Variants in CROT observed in about 807,000 individuals in gnomAD.
CROT encodes the protein peroxisomal carnitine O-octanoyltransferase.
CROT carries 84 observed loss-of-function variants against 89.2 expected under a neutral mutation model. The ratio of observed to expected loss-of-function variants is 0.94; its 90% CI spans 0.79 to 1.13. The LOEUF is 1.13. CROT is among the 50% of genes most tolerant of loss of function. The pLI is 0.00. For synonymous variants in CROT, 212 were observed against 239.5 expected, an observed-to-expected ratio of 0.89 and a Z score of 1.06; for missense variants, 711 against 727.8, an observed-to-expected ratio of 0.98 and a Z score of 0.27.
In CROT at chr7:87,367,895, C is replaced by T. The variant is rs116185599; in HGVS notation, c.548-1481C>T. 7.6e-3 allele frequency among the ~76,000 whole-genome samples: 1,165 copies of T among 152,326 alleles called. 16 individuals are homozygous for T. Among genetic ancestry groups the T allele is most frequent in the African/African-American group, 0.025 (1,042 of 41,576 alleles). ...CTGGACAACTTTAGTCACCTCCTAA[C>T]TTGGCATACCTTCTCTTCACCCTTG... On this transcript the variant is annotated intron_variant, in intron 6 of 17. Transcript: ENST00000331536.
rs111435207 is a variant in CROT, at chr7:87,351,326, A to G, written c.115+2143A>G. Among the ~76,000 whole-genome samples, 129 of 151,606 alleles carry G rather than the reference A, an allele frequency of 8.5e-4. 2 individuals carry two copies. Among genetic ancestry groups the G allele is most frequent in the African/African-American group, 2.0e-3 (83 of 41,366 alleles). ...TCCATCTCAAAAAAAAAAAAAAAAA[A>G]AAAAAAGAAAAGGAAAGGAAAGCAT... On this transcript the variant is annotated intron_variant, in intron 3 of 17. Transcript: ENST00000331536.
chr7:87,368,090 C>T (rs1806504218), intron 6 of CROT, among the ~76,000 whole-genome samples: 1 of 152,180 alleles, frequency 6.6e-6, no homozygotes, highest in Non-Finnish European at 1.5e-5. Flanking sequence ...TTTCTCTGTG[C>T]CGCAGCTGCA....
chr7:87,378,782 A>C (rs1806890820), intron 10 of CROT, among the ~76,000 whole-genome samples: 1 of 152,166 alleles, frequency 6.6e-6, no homozygotes, highest in Non-Finnish European at 1.5e-5. Context: ...CAACCTTGGA[A>C]TCTAGTGGGT....
intron 6 of CROT, among the ~76,000 whole-genome samples, chr7:87,363,112 G>A (rs1009707860): frequency 6.6e-6 from 1 of 152,130 alleles, no homozygotes; most frequent in Non-Finnish European, 1.5e-5. Context: ...CAATAGACCT[G>A]CTTTTGAATT....
At chr7:87,359,978 G>A in intron 4 of CROT, 1 of 982,218 alleles carries the variant, frequency 1.0e-6, no homozygotes, top group African/African-American at 1.7e-5. Context: ...TTTAGTTTTA[G>A]AAATAAAAAG....
At chr7:87,382,725 T>C (rs1452548672) in intron 13 of CROT, among the ~76,000 whole-genome samples, 182 bp downstream of exon 13, 1 of 152,216 alleles carries the variant, frequency 6.6e-6, no homozygotes, top group Non-Finnish European at 1.5e-5. Flanking sequence ...TTCACAGTTT[T>C]TCCTTGTTAC....
intron 3 of CROT, among the ~76,000 whole-genome samples, chr7:87,352,488 G>A (rs758489596): frequency 6.0e-4 from 91 of 152,220 alleles, no homozygotes; most frequent in Middle Eastern, 3.4e-3. Context: ...CAAATGGGAC[G>A]GTTATAAAAT....
intron 3 of CROT, among the ~76,000 whole-genome samples, chr7:87,358,374 C>T (rs1806159781): frequency 1.3e-5 from 2 of 149,094 alleles, no homozygotes; most frequent in South Asian, 2.1e-4. Flanking sequence ...CCCAGCTACT[C>T]GGGAGGCTGA....
rs183653002 is a variant in CROT, at chr7:87,383,367, T to C, written c.1301+824T>C. On this transcript the variant is annotated intron_variant, in intron 13 of 17. Transcript: ENST00000331536. ...TATAGGTGAGAACCTGCAGTATTTGTCTTTCTATTTCTGGATTATTTCACT... is the reference window on the plus strand; with the variant it reads ...TATAGGTGAGAACCTGCAGTATTTGCCTTTCTATTTCTGGATTATTTCACT... Among the ~76,000 whole-genome samples, 187 of 152,306 alleles carry C rather than the reference T, an allele frequency of 1.2e-3. 1 individual carries two copies. The highest frequency in any genetic ancestry group is 0.011 in the East Asian group (56 of 5,192).
intron 13 of CROT, among the ~76,000 whole-genome samples, chr7:87,386,565 A>G (rs1807189462): frequency 6.6e-6 from 1 of 152,098 alleles, no homozygotes. Flanking sequence ...TATTCTACCT[A>G]CAGATTTGTC....
intron 3 of CROT, 100 bp from the exon 4 acceptor site, chr7:87,359,106 T>G (rs1268686158): frequency 2.4e-6 from 2 of 826,414 alleles, no homozygotes; most frequent in Non-Finnish European, 4.1e-6. Context: ...AGTACTGTGT[T>G]TTACATATCT....
intron 13 of CROT, among the ~76,000 whole-genome samples, chr7:87,390,425 TG>T (rs1374514928): frequency 6.6e-6 from 1 of 152,216 alleles, no homozygotes; most frequent in Non-Finnish European, 1.5e-5. Context: ...ATTTTTAATT[TG>T]TTTTCCTGAA....
At chr7:87,382,049 A>AT (rs763729347) in intron 11 of CROT, 25 bp from the exon 12 acceptor site, 2 of 1,581,730 alleles carry the variant, frequency 1.3e-6, no homozygotes, top group Non-Finnish European at 1.7e-6. Context: ...TAGATAAAAT[A>AT]TTTTTAAGTC....
chr7:87,377,680 A>G (rs1806854194), intron 10 of CROT, among the ~76,000 whole-genome samples: 1 of 152,206 alleles, frequency 6.6e-6, no homozygotes, highest in Admixed American at 6.5e-5. Context: ...TGGGATTTGC[A>G]TATAATATTT....
chr7:87,368,259 G>T (rs1328651714), intron 6 of CROT, among the ~76,000 whole-genome samples: 1 of 152,154 alleles, frequency 6.6e-6, no homozygotes, highest in Non-Finnish European at 1.5e-5. Flanking sequence ...TTATTGTGAG[G>T]TAGCACCCTT....
chr7:87,398,940 G>T lies in CROT; in HGVS notation c.*296G>T, dbSNP rs776985215. 7.8e-5 allele frequency: 22 copies of T among 282,510 alleles called. No individual in the cohort carries two copies. The highest frequency in any genetic ancestry group is 1.4e-4 in the Non-Finnish European group (21 of 151,544). The allele number at this position is 282,510 out of a possible 1,614,324, so 17.5% of individuals were successfully genotyped here. A position where few individuals can be genotyped will look rare whatever the true frequency, so the allele number is the denominator to read the frequency against. The stretch of plus-strand genomic sequence containing the variant: ...ATCCAAATCTACAAACTTTAACAAT[G>T]CAAGTCTTACTCTAATTTTTAAGTA... On this transcript the variant is annotated 3_prime_UTR_variant, in exon 18 of 18. Coordinates refer to ENST00000331536, the MANE Select transcript of CROT (RefSeq NM_021151.4).
At chr7:87,354,944 C>G (rs774251269) in intron 3 of CROT, among the ~76,000 whole-genome samples, 1 of 152,140 alleles carries the variant, frequency 6.6e-6, no homozygotes, top group African/African-American at 2.4e-5. Context: ...ATGACTTACA[C>G]AAACCGTCTA....
At chr7:87,363,234 CAT>C (rs987173050) in intron 6 of CROT, among the ~76,000 whole-genome samples, 4 of 152,026 alleles carry the variant, frequency 2.6e-5, no homozygotes, top group African/African-American at 9.7e-5. Flanking sequence ...TTGAAGCTGA[CAT>C]AGTTATTATA....
intron 13 of CROT, among the ~76,000 whole-genome samples, chr7:87,383,032 A>G (rs1039270543): frequency 6.6e-6 from 1 of 152,190 alleles, no homozygotes; most frequent in Non-Finnish European, 1.5e-5. Context: ...TTTTTTTGAT[A>G]CATGCATAAA....
Sources: allele counts gnomAD v4.1 joint callset (sites outside exome capture counted in the v4.1 genomes callset), GRCh38; gene constraint gnomAD v4.1.1; transcripts MANE v1.5; gene names NCBI Gene and HGNC (gene_info 2026-07-23, HGNC 2026-07-21).